CCDC7: variants seen among roughly 807,000 people sequenced by gnomAD.
The protein encoded by CCDC7 is coiled-coil domain-containing protein 7.
CCDC7 carries 183 observed loss-of-function variants against 196.9 expected under a neutral mutation model. The observed-to-expected ratio is 0.93, with a 90% CI of 0.82 to 1.05. The LOEUF (loss-of-function observed/expected upper bound fraction) is 1.05, where lower values mean the gene tolerates loss of function less well. Among genes scored for constraint, CCDC7 ranks in the 50% least tolerant of loss-of-function variants. CCDC7 has a pLI of 0.00. For synonymous variants in CCDC7, 525 were observed against 484.6 expected (o/e 1.08, Z -1.10); for missense variants, 1,540 against 1,482.2 (o/e 1.04, Z -0.64).
intron 12 of CCDC7, among the ~76,000 whole-genome samples, chr10:32,543,857 T>C (rs780502855): frequency 6.6e-6 from 1 of 152,038 alleles, no homozygotes; most frequent in Non-Finnish European, 1.5e-5. Context: ...TTATTGCATT[T>C]GAATTTGCCT....
chr10:32,456,481 AT>A, intron 3 of CCDC7, 147 bp downstream of exon 4: 3 of 598,406 alleles, frequency 5.0e-6, no homozygotes, highest in Non-Finnish European at 7.4e-6. Context: ...TTATTTATTT[AT>A]TTTTTATTCT....
chr10:32,786,971 G>A (rs147335705), intron 29 of CCDC7, among the ~76,000 whole-genome samples: 6,034 of 152,166 alleles, frequency 0.04, 128 homozygotes, highest in Middle Eastern at 0.051. Flanking sequence ...CTGAGCAGAC[G>A]AAAGAAGAAT....
intron 3 of CCDC7, among the ~76,000 whole-genome samples, chr10:32,461,750 TAC>T (rs1554840788): frequency 0.13 from 8,831 of 70,520 alleles, 531 homozygotes; most frequent in Non-Finnish European, 0.16. Context: ...TATATATATA[TAC>T]ATATATATAT....
chr10:32,597,944 CAG>C (rs2060582484), intron 18 of CCDC7, among the ~76,000 whole-genome samples: 1 of 152,188 alleles, frequency 6.6e-6, no homozygotes, highest in East Asian at 1.9e-4. Context: ...TTAGGCTACT[CAG>C]GGGTCAGGGA....
At chr10:32,733,491 A>G (rs185918472) in intron 28 of CCDC7, among the ~76,000 whole-genome samples, 10 of 152,274 alleles carry the variant, frequency 6.6e-5, no homozygotes, top group African/African-American at 1.7e-4. Context: ...ATCAAAATGG[A>G]AACACTAAGT....
At chr10:32,574,706 T>C (rs1374015105) in intron 16 of CCDC7, 2 of 254,688 alleles carry the variant, frequency 7.9e-6, no homozygotes, top group African/African-American at 2.3e-5. Flanking sequence ...TTCACACTTT[T>C]TAGAAATGAA....
chr10:32,767,037 G>A (rs1391926633), intron 28 of CCDC7, among the ~76,000 whole-genome samples: 1 of 152,050 alleles, frequency 6.6e-6, no homozygotes, highest in Non-Finnish European at 1.5e-5. Context: ...AATTCTGCCA[G>A]GCTCTTTTCA....
intron 15 of CCDC7, 147 bp downstream of exon 16, chr10:32,568,038 T>A: frequency 1.2e-6 from 1 of 843,796 alleles, no homozygotes; most frequent in Non-Finnish European, 1.7e-6. Context: ...GATGGAGTCT[T>A]GCTCTGTCGC....
intron 28 of CCDC7, among the ~76,000 whole-genome samples, chr10:32,777,962 CAT>C (rs1428473895): frequency 6.6e-6 from 1 of 152,162 alleles, no homozygotes; most frequent in Non-Finnish European, 1.5e-5. Context: ...AGCATTTTTT[CAT>C]ATGTTTCTTG....
At chr10:32,835,516 A>G (rs2092533388) in intron 33 of CCDC7, among the ~76,000 whole-genome samples, 1 of 152,168 alleles carries the variant, frequency 6.6e-6, no homozygotes, top group Admixed American at 6.6e-5. Flanking sequence ...AAAAGAAACA[A>G]GATCATGTCC....
Position 32,575,414 on chromosome 10 carries a change from C to T in CCDC7, c.1454+3521C>T, listed in dbSNP as rs2058080678. 2.6e-5 allele frequency among the ~76,000 whole-genome samples: 4 copies of T among 152,104 alleles called. No homozygotes were observed. In the South Asian group the frequency reaches 8.3e-4, roughly 31 times the overall value. Reference sequence around the variant, plus strand: ...AGAGGAAACCTTGCAATCCAGGAAGCAATAGAGGATATAATATCCCCTGAG... The same window carrying T: ...AGAGGAAACCTTGCAATCCAGGAAGTAATAGAGGATATAATATCCCCTGAG... On this transcript the variant is annotated intron_variant, in intron 16 of 41. Transcript: ENST00000639629.
chr10:32,669,886 G>A (rs915574848), intron 21 of CCDC7, among the ~76,000 whole-genome samples: 1 of 152,036 alleles, frequency 6.6e-6, no homozygotes, highest in Non-Finnish European at 1.5e-5. Flanking sequence ...TAGAATGTTT[G>A]TATTGTTATA....
chr10:32,642,586 C>T (rs2067027184), intron 20 of CCDC7, among the ~76,000 whole-genome samples: 1 of 152,192 alleles, frequency 6.6e-6, no homozygotes, highest in African/African-American at 2.4e-5. Context: ...AAAGGAATTC[C>T]CTGACCCTTT....
At chr10:32,670,145 A>G (rs1046666333) in intron 21 of CCDC7, among the ~76,000 whole-genome samples, 5 of 152,006 alleles carry the variant, frequency 3.3e-5, no homozygotes, top group African/African-American at 1.2e-4. Flanking sequence ...CCTCTGGATC[A>G]TTCCCTTTTC....
At chr10:32,810,068 T>A (rs983104151) in intron 30 of CCDC7, among the ~76,000 whole-genome samples, 6 of 128,554 alleles carry the variant, frequency 4.7e-5, no homozygotes, top group Non-Finnish European at 1.2e-4. Flanking sequence ...GAAAAAGAAC[T>A]CAAATGTTAC....
At chr10:32,496,631 T>G (rs2042956418) in intron 9 of CCDC7, among the ~76,000 whole-genome samples, 1 of 152,236 alleles carries the variant, frequency 6.6e-6, no homozygotes, top group Non-Finnish European at 1.5e-5. Flanking sequence ...AGGCCTTTTC[T>G]GCATCTATTT....
In CCDC7 at chr10:32,571,763, A is replaced by G. The variant is rs2057591118; in HGVS notation, c.1420-96A>G. On this transcript the variant is annotated intron_variant, in intron 15 of 41. Transcript: ENST00000639629. ...TACCTTAATCTTACGAAATTGTCAT[A>G]TTAAAAAACTACCTTAAATGATATT... 5 of 1,170,570 alleles carry G rather than the reference A, an allele frequency of 4.3e-6. No homozygotes were observed. The South Asian group carries it at 1.3e-4, about 29-fold the overall frequency. 72.5% of individuals were successfully genotyped at this position (1,170,570 alleles called of 1,614,324 possible). A position where few individuals can be genotyped will look rare whatever the true frequency, so the allele number is the denominator to read the frequency against.
rs750024267 is a variant in CCDC7 at position 32,571,854 on chromosome 10, C to T, written c.1420-5C>T. On this transcript the variant is annotated splice_region_variant and splice_polypyrimidine_tract_variant and intron_variant, in intron 15 of 41. Transcript: ENST00000639629. The stretch of plus-strand genomic sequence containing the variant: ...TTTTTAAATGTAGTATTATCTTTAT[C>T]ACAGATCACTGCCCAAAGCGGAAGA... 84 of 1,561,564 alleles carry T rather than the reference C, an allele frequency of 5.4e-5. No homozygotes were observed. The highest frequency in any genetic ancestry group is 6.9e-5 in the Non-Finnish European group (80 of 1,159,050).
At chr10:32,478,020 G>A (rs1180107370) in intron 8 of CCDC7, among the ~76,000 whole-genome samples, 2 of 152,050 alleles carry the variant, frequency 1.3e-5, no homozygotes, top group Non-Finnish European at 2.9e-5. Flanking sequence ...TTTCATCAGA[G>A]TAATGAACTT....
Sources: gnomAD v4.1 joint callset for allele counts (sites outside exome capture counted in the v4.1 genomes callset) on GRCh38, gnomAD v4.1.1 for gene constraint, MANE v1.5 for transcripts, NCBI Gene and HGNC (gene_info 2026-07-23, HGNC 2026-07-21) for gene names.